SLC28A3: variants seen among roughly 807,000 people sequenced by gnomAD.
SLC28A3 encodes solute carrier family 28 member 3.
In SLC28A3, 68 loss-of-function variants were observed where a neutral mutation model predicts 84.2. The ratio of observed to expected loss-of-function variants is 0.81; its 90% CI spans 0.66 to 0.99. The LOEUF (loss-of-function observed/expected upper bound fraction) is 0.99, where lower values mean the gene tolerates loss of function less well. Among genes scored for constraint, SLC28A3 ranks in the 50% least tolerant of loss-of-function variants. The probability of loss-of-function intolerance (pLI) is 0.00; values close to 1 mark genes in which losing one functional copy is unlikely to be tolerated. For missense variants in SLC28A3, 712 were observed against 841.5 expected (o/e 0.85, Z 1.90); for synonymous variants, 267 against 303.6 (o/e 0.88, Z 1.25).
At position 84,280,892 on chromosome 9, in the gene SLC28A3, A is replaced by C; in HGVS notation, c.1648-10T>G. 2 of 1,613,864 alleles carry C rather than the reference A, an allele frequency of 1.2e-6. No homozygotes were observed. The highest frequency in any genetic ancestry group is 1.7e-6 in the Non-Finnish European group (2 of 1,179,874). On this transcript the variant is annotated splice_polypyrimidine_tract_variant and intron_variant, in intron 14 of 17. Coordinates refer to ENST00000376238, the MANE Select transcript of SLC28A3 (RefSeq NM_001199633.2). The stretch of plus-strand genomic sequence containing the variant: ...TTATCTCAGAACGAATCTGTAAGCA[A>C]GCATAAACACATATGTATACACAAT...
Position 84,299,697 on chromosome 9 carries a change from C to T in SLC28A3, c.553G>A (p.Val185Ile). The change falls in exon 6 of 18, where the codon GTT becomes ATT. Residue 185 changes from valine (V) to isoleucine (I), a missense_variant. Transcript: ENST00000376238. ...GTGTCAAAGGCCAACCAGAAAATAACTGCTAGGACCAGGGAGCTCCAGATC... is the reference window on the plus strand; with the variant it reads ...GTGTCAAAGGCCAACCAGAAAATAATTGCTAGGACCAGGGAGCTCCAGATC... ...WVIWSSLVLA[V>I]IFWLAFDTAK... 1 of 1,610,084 alleles carries T rather than the reference C, an allele frequency of 6.2e-7. No homozygotes were observed. The highest frequency in any genetic ancestry group is 8.5e-7 in the Non-Finnish European group (1 of 1,178,992).
chr9:84,279,967 T>C lies in SLC28A3; in HGVS notation c.1828+8A>G. 1 of 1,613,112 alleles carries C rather than the reference T, an allele frequency of 6.2e-7. No individual in the cohort carries two copies. ...GGGCACTGGGACACAAAGGACAGGG[T>C]GCGGTACCTGCGATGCAGGCTGTCA... is the stretch of plus-strand genomic sequence containing the variant. On this transcript the variant is annotated splice_region_variant and intron_variant, in intron 16 of 17. Transcript: ENST00000376238.
chr9:84,294,405 C>T lies in SLC28A3; in HGVS notation c.862-130G>A, dbSNP rs1825342574. ...AAAAATATGGGAAACTCCTCTTGAA[C>T]TTTAATCAGGCAGCTTCCCTATCTA... On this transcript the variant is annotated intron_variant, in intron 8 of 17. Coordinates refer to ENST00000376238, the MANE Select transcript of SLC28A3 (RefSeq NM_001199633.2). 5 of 814,256 alleles carry T rather than the reference C, an allele frequency of 6.1e-6. No individual in the cohort carries two copies. The South Asian group carries it at 8.9e-5, about 14-fold the overall frequency. The allele number at this position is 814,256 out of a possible 1,614,324, so 50.4% of individuals were successfully genotyped here.
chr9:84,312,829 G>A (rs1389482005), intron 2 of SLC28A3, among the ~76,000 whole-genome samples: 1 of 152,018 alleles, frequency 6.6e-6, no homozygotes, highest in South Asian at 2.1e-4. Flanking sequence ...ATAAGCCACC[G>A]TGCCCGGCCC....
chr9:84,355,211 G>A, the SLC28A3 span, among the ~76,000 whole-genome samples: 1 of 152,088 alleles, frequency 6.6e-6, no homozygotes, highest in East Asian at 1.9e-4. Context: ...TCAGGGCTGA[G>A]GCAGGAGGAT....
intron 15 of SLC28A3, among the ~76,000 whole-genome samples, chr9:84,280,568 C>T (rs1207192940): frequency 2.0e-5 from 3 of 152,150 alleles, no homozygotes; most frequent in Non-Finnish European, 4.4e-5. Flanking sequence ...GCCTACAGGT[C>T]ACCCCTGGGC....
Position 84,276,443 on chromosome 9 carries a change from C to G in SLC28A3, c.*1775G>C, listed in dbSNP as rs756340987. ...CCAGCATGCAAAGTAAATGTACATG[C>G]ACTGTCCAGAGTAGGAAAAAGAGAA... On this transcript the variant is annotated 3_prime_UTR_variant, in exon 18 of 18. Transcript: ENST00000376238. 6.6e-6 allele frequency: 1 copy of G among 151,738 alleles called. No homozygotes were observed. Among genetic ancestry groups the G allele is most frequent in the Non-Finnish European group, 1.5e-5 (1 of 67,974 alleles). The allele number at this position is 151,738 out of a possible 1,614,324, so 9.4% of individuals were successfully genotyped here. A position where few individuals can be genotyped will look rare whatever the true frequency, so the allele number is the denominator to read the frequency against.
chr9:84,290,233 T>G lies in SLC28A3; in HGVS notation c.1070A>C (p.Lys357Thr). ...LVRPYLPYIT[K>T]SELHAIMTAG... is the part of the protein sequence containing the mutation. ...GGTCATGATGGCGTGGAGTTCAGAC[T>G]TGGTGATGTAAGGTAAATATGGTCG... The change falls in exon 11 of 18, where the codon AAG (lysine) becomes ACG (threonine). Residue 357 changes from lysine (K) to threonine (T), a missense_variant. Transcript: ENST00000376238. The G allele has an allele frequency of 1.2e-6, 2 of 1,614,008 alleles. No individual in the cohort carries two copies. The highest frequency in any genetic ancestry group is 1.7e-6 in the Non-Finnish European group (2 of 1,179,950).
chr9:84,333,052 T>G (rs1004855922), intron 1 of SLC28A3, among the ~76,000 whole-genome samples: 2 of 152,096 alleles, frequency 1.3e-5, no homozygotes, highest in Non-Finnish European at 2.9e-5. Context: ...TCTATCCCTT[T>G]CTCCAGAGAT....
rs770928867 is a variant in SLC28A3 at position 84,297,278 on chromosome 9, A to T, written c.804T>A (p.Asp268Glu). 1 of 1,613,324 alleles carries T rather than the reference A, an allele frequency of 6.2e-7. No homozygotes were observed. The highest frequency in any genetic ancestry group is 8.5e-7 in the Non-Finnish European group (1 of 1,179,826). The change falls in exon 8 of 18, where the codon GAT becomes GAA. Residue 268 changes from aspartate to glutamate, a missense_variant. Transcript: ENST00000376238. ...RQVQTFLEYTDAGASFVFGEK... is the reference protein window; with the variant it reads ...RQVQTFLEYTEAGASFVFGEK... Reference sequence around the variant, plus strand: ...CACCAAAGACAAATGAAGCACCAGCATCTGTGTACTCCAGAAAAGTCTGAG... The same window carrying T: ...CACCAAAGACAAATGAAGCACCAGCTTCTGTGTACTCCAGAAAAGTCTGAG...
intron 7 of SLC28A3, 91 bp downstream of exon 7, chr9:84,297,815 G>T: frequency 9.6e-7 from 1 of 1,041,594 alleles, no homozygotes; most frequent in Non-Finnish European, 1.4e-6. Flanking sequence ...AACTCATGCA[G>T]ACAGATAAAC....
the SLC28A3 span, among the ~76,000 whole-genome samples, chr9:84,354,964 T>C: frequency 1.3e-5 from 2 of 152,086 alleles, no homozygotes; most frequent in African/African-American, 2.4e-5. Context: ...TCAGGGTAAC[T>C]AAATAGCCCC....
rs370287241 is a variant in SLC28A3 at position 84,324,374 on chromosome 9, G to T, written c.61-10920C>A. Among the ~76,000 whole-genome samples the T allele has an allele frequency of 1.2e-4, 18 of 152,216 alleles. 1 individual carries two copies. The highest frequency in any genetic ancestry group is 2.4e-4 in the Non-Finnish European group (16 of 68,010). On this transcript the variant is annotated intron_variant, in intron 1 of 17. Transcript: ENST00000376238. ...AAAATAAAGTTTTTTGCTGGGTGCC[G>T]TGACTCATACCTGTAATCCCAGCAC...
At chr9:84,294,051 G>C in intron 9 of SLC28A3, 144 bp downstream of exon 9, 2 of 650,730 alleles carry the variant, frequency 3.1e-6, no homozygotes, top group Non-Finnish European at 5.1e-6. Context: ...TGGAGGTTTT[G>C]AATCTAATCA....
At chr9:84,326,399 A>C (rs1235958610) in intron 1 of SLC28A3, among the ~76,000 whole-genome samples, 1 of 152,166 alleles carries the variant, frequency 6.6e-6, no homozygotes, top group African/African-American at 2.4e-5. Context: ...AAAACAAAAA[A>C]CAAAACAAAA....
At chr9:84,361,430 G>A in the SLC28A3 span, among the ~76,000 whole-genome samples, 1 of 152,206 alleles carries the variant, frequency 6.6e-6, no homozygotes, top group African/African-American at 2.4e-5. Context: ...GAAGAAGTCA[G>A]GAAACAGGAT....
intron 1 of SLC28A3, among the ~76,000 whole-genome samples, chr9:84,314,618 A>AT (rs1826104617): frequency 6.6e-6 from 1 of 152,234 alleles, no homozygotes; most frequent in Admixed American, 6.5e-5. Context: ...ACAGTACAAG[A>AT]TTCATGCATC....
intron 15 of SLC28A3, among the ~76,000 whole-genome samples, 167 bp from the exon 16 acceptor site, chr9:84,280,240 C>G (rs1034321135): frequency 1.3e-5 from 2 of 151,602 alleles, no homozygotes; most frequent in Admixed American, 6.6e-5. Context: ...ATAAACTCCA[C>G]ATACAGAGAA....
At chr9:84,318,904 A>G (rs1826265727) in intron 1 of SLC28A3, among the ~76,000 whole-genome samples, 1 of 152,142 alleles carries the variant, frequency 6.6e-6, no homozygotes, top group Non-Finnish European at 1.5e-5. Context: ...TATGGTTTCC[A>G]TGAGCTTTCT....
Sources: gnomAD v4.1 joint callset for allele counts (sites outside exome capture counted in the v4.1 genomes callset) on GRCh38, gnomAD v4.1.1 for gene constraint, MANE v1.5 for transcripts, NCBI Gene and HGNC (gene_info 2026-07-23, HGNC 2026-07-21) for gene names.